EDNRB: variants seen among roughly 807,000 people sequenced by gnomAD.
EDNRB encodes the protein Hirschsprung disease 2.
EDNRB carries 18 observed loss-of-function variants against 46.4 expected under a neutral mutation model. The observed-to-expected ratio is 0.39, with a 90% confidence interval of 0.27 to 0.57. The LOEUF is 0.57. Among genes scored for constraint, EDNRB ranks in the 20% least tolerant of loss-of-function variants. EDNRB has a pLI of 0.61. For synonymous variants in EDNRB, 213 were observed against 204.9 expected, an observed-to-expected ratio of 1.04 and a Z score of -0.34; for missense variants, 434 against 537.5, an observed-to-expected ratio of 0.81 and a Z score of 1.90.
At chr13:77,917,796 C>T in intron 1 of EDNRB, among the ~76,000 whole-genome samples, 1 of 152,224 alleles carries the variant, frequency 6.6e-6, no homozygotes, top group East Asian at 1.9e-4. Flanking sequence ...GAAAAATCTT[C>T]ATGTGCACCA....
At chr13:77,973,208 A>G (rs1881787953) in intron 1 of EDNRB, among the ~76,000 whole-genome samples, 1 of 152,184 alleles carries the variant, frequency 6.6e-6, no homozygotes, top group Non-Finnish European at 1.5e-5. Flanking sequence ...TATTTTTATT[A>G]GTTTTTAAAT....
At chr13:77,925,526 C>T (rs1469377438) in intron 1 of EDNRB, among the ~76,000 whole-genome samples, 2 of 152,212 alleles carry the variant, frequency 1.3e-5, no homozygotes, top group Admixed American at 1.3e-4. Flanking sequence ...GGTGGAAGCC[C>T]TAAGCCTTGG....
intron 1 of EDNRB, among the ~76,000 whole-genome samples, chr13:77,917,428 AT>A (rs1879865724): frequency 6.6e-6 from 1 of 152,080 alleles, no homozygotes. Flanking sequence ...CAGGCCATTT[AT>A]TTCCTAAATA....
intron 1 of EDNRB, among the ~76,000 whole-genome samples, chr13:77,958,154 A>G (rs1248582155): frequency 6.6e-6 from 1 of 152,186 alleles, no homozygotes; most frequent in Admixed American, 6.5e-5. Flanking sequence ...CTACAATTGT[A>G]TAGGGAGTTC....
chr13:77,952,202 G>A (rs943917835), intron 1 of EDNRB, among the ~76,000 whole-genome samples: 3 of 152,156 alleles, frequency 2.0e-5, no homozygotes, highest in Non-Finnish European at 4.4e-5. Context: ...AGAGGAGGAC[G>A]TTCCCGAAAG....
intron 1 of EDNRB, among the ~76,000 whole-genome samples, chr13:77,926,804 A>T (rs1197963462): frequency 6.6e-6 from 1 of 152,208 alleles, no homozygotes; most frequent in African/African-American, 2.4e-5. Context: ...ATATACTGAG[A>T]CTGGGAAGGA....
At chr13:77,947,142 A>T (rs777946296) in intron 1 of EDNRB, among the ~76,000 whole-genome samples, 3 of 152,250 alleles carry the variant, frequency 2.0e-5, no homozygotes, top group African/African-American at 7.2e-5. Context: ...TGAGCCCTTT[A>T]TTATAATGAC....
intron 1 of EDNRB, among the ~76,000 whole-genome samples, chr13:77,955,481 C>T (rs772966401): frequency 6.6e-6 from 1 of 151,806 alleles, no homozygotes; most frequent in Non-Finnish European, 1.5e-5. Flanking sequence ...TGATGTAATC[C>T]CACTTGTCTA....
At chr13:77,907,395 G>C (rs1879332545) in intron 1 of EDNRB, among the ~76,000 whole-genome samples, 1 of 151,892 alleles carries the variant, frequency 6.6e-6, no homozygotes, top group Non-Finnish European at 1.5e-5. Flanking sequence ...TTTGGACTTG[G>C]ACTGAATTAC....
upstream of EDNRB, chr13:77,919,602 G>A (rs1257997768): frequency 1.9e-5 from 30 of 1,608,104 alleles, no homozygotes; most frequent in African/African-American, 2.7e-5. Context: ...CATCAGACAA[G>A]TACTTTTATT....
intron 1 of EDNRB, among the ~76,000 whole-genome samples, chr13:77,965,840 G>T (rs962163192): frequency 1.3e-5 from 2 of 151,706 alleles, no homozygotes; most frequent in African/African-American, 4.8e-5. Context: ...GAAAGTAATG[G>T]GTTTCTTAAT....
intron 1 of EDNRB, among the ~76,000 whole-genome samples, chr13:77,962,105 C>A (rs1418399614): frequency 6.6e-6 from 1 of 152,082 alleles, no homozygotes; most frequent in African/African-American, 2.4e-5. Context: ...CTGAATAGAC[C>A]AATAACAGGC....
intron 1 of EDNRB, among the ~76,000 whole-genome samples, chr13:77,960,060 G>C (rs1881359904): frequency 6.6e-6 from 1 of 152,214 alleles, no homozygotes; most frequent in Non-Finnish European, 1.5e-5. Flanking sequence ...ATTTACATCT[G>C]ATTGGTGTAC....
At chr13:77,944,341 C>T (rs1414083344) in intron 1 of EDNRB, among the ~76,000 whole-genome samples, 1 of 152,012 alleles carries the variant, frequency 6.6e-6, no homozygotes. Context: ...ATGCATCTAT[C>T]TAATATGTTG....
chr13:77,945,125 T>C (rs1454938963), intron 1 of EDNRB, among the ~76,000 whole-genome samples: 1 of 152,186 alleles, frequency 6.6e-6, no homozygotes, highest in African/African-American at 2.4e-5. Flanking sequence ...TAGTGTCCTA[T>C]GTTGACAATT....
At chr13:77,899,796 G>A (rs1253797105) in intron 6 of EDNRB, 63 bp downstream of exon 6, 2 of 1,263,782 alleles carry the variant, frequency 1.6e-6, no homozygotes, top group Non-Finnish European at 1.1e-6. Context: ...TATATTAGCA[G>A]TTTTGAAAGC....
intron 3 of EDNRB, 101 bp downstream of exon 3, chr13:77,903,055 G>A (rs1229702911): frequency 4.4e-5 from 56 of 1,262,924 alleles, no homozygotes; most frequent in Admixed American, 1.6e-4. Flanking sequence ...GCCAAGGACA[G>A]TCATAAATCA....
chr13:77,934,679 A>AGGG (rs61163800), intron 1 of EDNRB, among the ~76,000 whole-genome samples: 2 of 127,568 alleles, frequency 1.6e-5, no homozygotes, highest in African/African-American at 2.8e-5. Context: ...TGTGTAGGAA[A>AGGG]GGGGGGGGGG....
chr13:77,971,104 G>A (rs1881714486), intron 1 of EDNRB, among the ~76,000 whole-genome samples: 1 of 152,114 alleles, frequency 6.6e-6, no homozygotes, highest in Non-Finnish European at 1.5e-5. Flanking sequence ...GTTGGTCTCA[G>A]AGGTTGGGCC....
Sources: allele counts gnomAD v4.1 joint callset (sites outside exome capture counted in the v4.1 genomes callset), GRCh38; gene constraint gnomAD v4.1.1; transcripts MANE v1.5; gene names NCBI Gene and HGNC (gene_info 2026-07-23, HGNC 2026-07-21).